NUMBL: variants seen among roughly 807,000 people sequenced by gnomAD.
NUMBL encodes numb-like protein.
In NUMBL, 20 loss-of-function variants were observed where a neutral mutation model predicts 48.9. The observed-to-expected ratio is 0.41, with a 90% confidence interval of 0.29 to 0.59. The LOEUF is 0.59. NUMBL is among the 20% of genes least tolerant of loss of function. The pLI, the probability that NUMBL is intolerant of heterozygous loss-of-function variation, is 0.31. For synonymous variants in NUMBL, 340 were observed against 348.7 expected (o/e 0.98, Z 0.28); for missense variants, 660 against 846.2 (o/e 0.78, Z 2.73).
In NUMBL at chr19:40,677,409, T is replaced by G. The variant is rs2144657104; in HGVS notation, c.553A>C (p.Ser185Arg). 1 of 1,609,302 alleles carries G rather than the reference T, an allele frequency of 6.2e-7. No homozygotes were observed. The highest frequency in any genetic ancestry group is 1.1e-5 in the South Asian group (1 of 90,996). Residue 185 changes from serine to arginine, a missense_variant, in exon 7 of 10, where the codon AGC becomes CGC. Physicochemically the swap from Ser to Arg is moderately radical, Grantham distance 110. Around this residue, in one of 3 missense-constraint regions of NUMBL, gnomAD observed 278 missense variants for 420.6 expected, o/e 0.66. Transcript: ENST00000252891. ...GCAAAAGCACAGCCCACAGCGTGGC[T>G]CAGCCTCTCGCCCTATGGGGAGAGG... ...LALKDSGERLSHAVGCAFAAC... is the reference protein window; with the variant it reads ...LALKDSGERLRHAVGCAFAAC...
chr19:40,677,067 G>A (rs1188092184), intron 7 of NUMBL, among the ~76,000 whole-genome samples, 165 bp downstream of exon 7: 1 of 152,204 alleles, frequency 6.6e-6, no homozygotes, highest in Non-Finnish European at 1.5e-5. Context: ...GCCCATCTCG[G>A]CCTCTCAAAG....
At chr19:40,678,119 G>T (rs568471856) in intron 6 of NUMBL, among the ~76,000 whole-genome samples, 25 of 152,204 alleles carry the variant, frequency 1.6e-4, no homozygotes, top group Middle Eastern at 3.4e-3. Context: ...TAAAAGTTAT[G>T]TTAGATCATG....
chr19:40,685,840 A>C (rs1430240856), intron 2 of NUMBL: 2 of 153,326 alleles, frequency 1.3e-5, no homozygotes, highest in Non-Finnish European at 2.9e-5. Context: ...AGCCTGTGTG[A>C]CTGTGGCTGT....
chr19:40,670,955 AGT>A (rs370245296), intron 8 of NUMBL, among the ~76,000 whole-genome samples: 86 of 152,020 alleles, frequency 5.7e-4, no homozygotes, highest in African/African-American at 2.0e-3. Context: ...TGTAAATCTG[AGT>A]GTGTTTCTTT....
intron 7 of NUMBL, 115 bp downstream of exon 7, chr19:40,677,117 A>C: frequency 4.3e-6 from 5 of 1,157,418 alleles, no homozygotes; most frequent in African/African-American, 1.5e-5. Flanking sequence ...CTTGGCCTGA[A>C]GCATCCCCTA....
chr19:40,668,062 C>T lies in NUMBL; in HGVS notation c.1236G>A (p.Glu412=). ...ACACCTCCTCCAGCCATCGCTCAGC[C>T]TCTGAAGGTGTCCGCTTGTGCCCAG... is the stretch of plus-strand genomic sequence containing the variant. ...FQPGHKRTPS[E]AERWLEEVSQ... is the part of the protein sequence containing the mutation. Residue 412 remains glutamate, a synonymous_variant, in exon 10 of 10, where the codon GAG becomes GAA. Transcript: ENST00000252891. 6.3e-7 allele frequency: 1 copy of T among 1,595,210 alleles called. No individual in the cohort carries two copies.
At chr19:40,670,115 A>T in intron 8 of NUMBL, 95 bp from the exon 9 acceptor site, 1 of 1,458,760 alleles carries the variant, frequency 6.9e-7, no homozygotes, top group South Asian at 1.4e-5. Flanking sequence ...CTCTCTTCTG[A>T]CCTGGATCCT....
chr19:40,667,416 A>G lies in NUMBL; in HGVS notation c.*52T>C, dbSNP rs1599898789. The G allele has an allele frequency of 6.3e-7, 1 of 1,577,436 alleles. No individual in the cohort carries two copies. Among genetic ancestry groups the G allele is most frequent in the Admixed American group, 1.9e-5 (1 of 53,910 alleles). On this transcript the variant is annotated 3_prime_UTR_variant, in exon 10 of 10. Transcript: ENST00000252891. This position sits in a 1 kb window ranked among gnomAD's most constrained non-coding sequence, Gnocchi z 6.1. Reference sequence around the variant, plus strand: ...GGGTTAGGGGAGAGGTTGTGCCTCCACCCCCAGGCGTGGGGCACCTGGAGA... The same window carrying G: ...GGGTTAGGGGAGAGGTTGTGCCTCCGCCCCCAGGCGTGGGGCACCTGGAGA...
At chr19:40,686,405 T>A (rs10402624) in intron 2 of NUMBL, among the ~76,000 whole-genome samples, 1 of 151,830 alleles carries the variant, frequency 6.6e-6, no homozygotes, top group South Asian at 2.1e-4. Flanking sequence ...CAGGTGATCC[T>A]CCCGCCTCAG....
At chr19:40,686,514 T>A (rs1005568537) in intron 2 of NUMBL, among the ~76,000 whole-genome samples, 1 of 151,814 alleles carries the variant, frequency 6.6e-6, no homozygotes, top group African/African-American at 2.4e-5. Context: ...CCAGCGAGCG[T>A]CTGTGGTCAC....
At position 40,667,309 on chromosome 19, in the gene NUMBL, A is replaced by G; in HGVS notation, c.*159T>C. ...ATCCTGTTGCAACCTGGGCGTCACA[A>G]TGTTGGTTCTGTAGTGGTTGTCGGG... On this transcript the variant is annotated 3_prime_UTR_variant, in exon 10 of 10. Coordinates refer to ENST00000252891, the MANE Select transcript of NUMBL (RefSeq NM_004756.5). The surrounding 1 kb of genome is among the most constrained non-coding windows in gnomAD (Gnocchi z 6.1). 6 of 1,047,552 alleles carry G rather than the reference A, an allele frequency of 5.7e-6. No individual in the cohort carries two copies. Among genetic ancestry groups the G allele is most frequent in the South Asian group, 1.7e-5 (1 of 59,748 alleles). The allele number at this position is 1,047,552 out of a possible 1,614,324, so 64.9% of individuals were successfully genotyped here.
In NUMBL at chr19:40,677,410, C is replaced by T. The variant is rs140118169; in HGVS notation, c.552G>A (p.Leu184=). ...FLALKDSGER[L]SHAVGCAFAA... ...CAAAAGCACAGCCCACAGCGTGGCT[C>T]AGCCTCTCGCCCTATGGGGAGAGGA... The change falls in exon 7 of 10, where the codon CTG becomes CTA. Residue 184 remains leucine (L), a synonymous_variant. Transcript: ENST00000252891. The T allele has an allele frequency of 8.6e-4, 1,383 of 1,608,992 alleles. 1 individual carries two copies. The highest frequency in any genetic ancestry group is 1.1e-3 in the Non-Finnish European group (1,297 of 1,179,782).
chr19:40,667,254 T>C lies in NUMBL; in HGVS notation c.*214A>G. ...TAAGTCCGGCAGTGAAATGGTTCCC[T>C]TAGCCAGGCTGGGTCCGTCCCTGAA... On this transcript the variant is annotated 3_prime_UTR_variant, in exon 10 of 10. Coordinates refer to ENST00000252891, the MANE Select transcript of NUMBL (RefSeq NM_004756.5). The surrounding 1 kb of genome is among the most constrained non-coding windows in gnomAD (Gnocchi z 6.1). 1.5e-6 allele frequency: 1 copy of C among 657,930 alleles called. No individual in the cohort carries two copies. The highest frequency in any genetic ancestry group is 2.5e-6 in the Non-Finnish European group (1 of 400,224). 40.8% of individuals were successfully genotyped at this position (657,930 alleles called of 1,614,324 possible).
rs1331535438 is a variant in NUMBL, at chr19:40,675,351, C to T, written c.731-1702G>A. Among the ~76,000 whole-genome samples the T allele has an allele frequency of 2.0e-5, 3 of 151,562 alleles. No homozygotes were observed. The East Asian group carries it at 5.8e-4, about 29-fold the overall frequency. On this transcript the variant is annotated intron_variant, in intron 7 of 9. Coordinates refer to ENST00000252891, the MANE Select transcript of NUMBL (RefSeq NM_004756.5). Reference sequence around the variant, plus strand: ...AAAGATGTTCTTTTTTTTCCCCTTACAATCCAGGATCTAATTCAGGATCAC... The same window carrying T: ...AAAGATGTTCTTTTTTTTCCCCTTATAATCCAGGATCTAATTCAGGATCAC...
intron 7 of NUMBL, among the ~76,000 whole-genome samples, chr19:40,675,709 A>G (rs1203835478): frequency 2.0e-5 from 3 of 151,504 alleles, no homozygotes; most frequent in Non-Finnish European, 4.4e-5. Flanking sequence ...TCCAGAGTTA[A>G]GAGATATCTT....
intron 2 of NUMBL, chr19:40,684,814 C>G: frequency 2.0e-5 from 8 of 394,400 alleles, no homozygotes; most frequent in East Asian, 5.1e-5. Context: ...GGCTGGAGGT[C>G]TGGGGTGGGG....
chr19:40,668,229 G>A, intron 9 of NUMBL, 91 bp from the exon 10 acceptor site: 1 of 1,463,660 alleles, frequency 6.8e-7, no homozygotes, highest in South Asian at 1.4e-5. Context: ...GGGGATCAGA[G>A]CACGGACTCT....
Position 40,684,550 on chromosome 19 carries a change from G to C in NUMBL, c.116C>G (p.Ala39Gly). The C allele has an allele frequency of 6.2e-7, 1 of 1,606,930 alleles. No homozygotes were observed. The highest frequency in any genetic ancestry group is 1.1e-5 in the South Asian group (1 of 90,318). ...CTGCCGTAACTTGTTCATGGTGCCCGCCCCGTCTGGTGACACAGGACAGTG... is the reference window on the plus strand; with the variant it reads ...CTGCCGTAACTTGTTCATGGTGCCCCCCCCGTCTGGTGACACAGGACAGTG... ...PETCRTEPDG[A>G]GTMNKLRQSL... Residue 39 changes from alanine to glycine, a missense_variant, in exon 3 of 10, where the codon GCG becomes GGG. By Grantham distance (60) the Ala-to-Gly change is moderately conservative. Coordinates refer to ENST00000252891, the MANE Select transcript of NUMBL (RefSeq NM_004756.5).
At chr19:40,668,740 T>G (rs117223428) in intron 9 of NUMBL, among the ~76,000 whole-genome samples, 2,018 of 152,302 alleles carry the variant, frequency 0.013, 26 homozygotes, top group Non-Finnish European at 0.019. Context: ...ATTACAGGCA[T>G]GAGCCACCAC....
Sources: gnomAD v4.1 joint callset for allele counts (sites outside exome capture counted in the v4.1 genomes callset) on GRCh38, gnomAD v4.1.1 for gene constraint, gnomAD v4.1.1 regional missense constraint, Gnocchi (gnomAD v3.1) non-coding constraint, MANE v1.5 for transcripts, NCBI Gene and HGNC (gene_info 2026-07-23, HGNC 2026-07-21) for gene names.